IL10RB: variants seen among roughly 807,000 people sequenced by gnomAD.
IL10RB encodes interleukin 10 receptor subunit beta.
In IL10RB, 30 loss-of-function variants were observed where a neutral mutation model predicts 38.7. The observed-to-expected ratio is 0.78, with a 90% CI of 0.58 to 1.05. The LOEUF (loss-of-function observed/expected upper bound fraction) is 1.05, where lower values mean the gene tolerates loss of function less well. Among genes scored for constraint, IL10RB ranks in the 50% least tolerant of loss-of-function variants. The pLI is 0.00. For synonymous variants in IL10RB, 142 were observed against 145.9 expected (o/e 0.97, Z 0.19); for missense variants, 328 against 397.1 (o/e 0.83, Z 1.48).
At chr21:33,271,104 C>G (rs1568903321) in intron 2 of IL10RB, among the ~76,000 whole-genome samples, 1 of 152,198 alleles carries the variant, frequency 6.6e-6, no homozygotes, top group Non-Finnish European at 1.5e-5. Flanking sequence ...AGGTCTCCCC[C>G]GCGTGGAACT....
exon 2 of IL10RB, chr21:33,309,913 C>A (rs1212208193): frequency 6.6e-6 from 1 of 152,118 alleles, no homozygotes; most frequent in African/African-American, 2.4e-5. Flanking sequence ...CCCTAATCCC[C>A]AATGTGACTG....
intron 4 of IL10RB, among the ~76,000 whole-genome samples, chr21:33,281,900 T>C (rs1989286836): frequency 6.6e-6 from 1 of 152,136 alleles, no homozygotes; most frequent in Non-Finnish European, 1.5e-5. Flanking sequence ...AAACCAGAAG[T>C]TGCCCAGACG....
chr21:33,297,383 C>G (rs1251252681), downstream of IL10RB: 1 of 150,886 alleles, frequency 6.6e-6, no homozygotes, highest in Non-Finnish European at 1.5e-5. Context: ...AGCTCTCAGT[C>G]TAAAGCTTCA....
chr21:33,303,952 G>A (rs933558308), intron 1 of IL10RB, among the ~76,000 whole-genome samples: 1 of 152,326 alleles, frequency 6.6e-6, no homozygotes, highest in Admixed American at 6.5e-5. Context: ...AGGGAAGAGA[G>A]GGGCTTGGGA....
downstream of IL10RB, among the ~76,000 whole-genome samples, chr21:33,299,170 A>G (rs1423823888): frequency 6.6e-6 from 1 of 152,092 alleles, no homozygotes; most frequent in Non-Finnish European, 1.5e-5. Flanking sequence ...TCTTTCAACT[A>G]TTGAACTTCC....
At chr21:33,287,659 A>G (rs1221289021) in intron 5 of IL10RB, among the ~76,000 whole-genome samples, 3 of 151,908 alleles carry the variant, frequency 2.0e-5, no homozygotes, top group African/African-American at 7.3e-5. Context: ...GAGCCACCAC[A>G]CCTGGCTTAG....
At chr21:33,293,731 C>T (rs1293260602) in intron 6 of IL10RB, among the ~76,000 whole-genome samples, 1 of 151,904 alleles carries the variant, frequency 6.6e-6, no homozygotes, top group African/African-American at 2.4e-5. Flanking sequence ...CTCTTGAACC[C>T]GGGAGGCTGA....
Position 33,266,420 on chromosome 21 carries a change from G to A in IL10RB, c.-46G>A. 2.0e-6 allele frequency: 3 copies of A among 1,535,560 alleles called. No homozygotes were observed. The highest frequency in any genetic ancestry group is 1.2e-5 in the South Asian group (1 of 83,678). On this transcript the variant is annotated 5_prime_UTR_variant, in exon 1 of 7. Coordinates refer to ENST00000290200, the MANE Select transcript of IL10RB (RefSeq NM_000628.5). ...GGACAAGCTCTCCCGGGCGCGGGCG[G>A]GGGTCGTGTGCTTGGAGGAAGCCGC...
chr21:33,297,514 A>G (rs943451157), downstream of IL10RB, among the ~76,000 whole-genome samples: 2 of 152,180 alleles, frequency 1.3e-5, no homozygotes, highest in Non-Finnish European at 2.9e-5. Flanking sequence ...GATTAGACAC[A>G]GAACTGAGCA....
At chr21:33,280,364 T>C (rs1004229469) in intron 4 of IL10RB, among the ~76,000 whole-genome samples, 6 of 152,184 alleles carry the variant, frequency 3.9e-5, no homozygotes. Context: ...AGTCAAAAGA[T>C]CTGATCGGAA....
intron 6 of IL10RB, among the ~76,000 whole-genome samples, chr21:33,294,861 C>G (rs1989560177): frequency 6.6e-6 from 1 of 152,188 alleles, no homozygotes; most frequent in Non-Finnish European, 1.5e-5. Context: ...GCAGAGATTT[C>G]AGGAAATGTA....
chr21:33,287,189 C>T (rs998418553), intron 5 of IL10RB, among the ~76,000 whole-genome samples: 5 of 152,254 alleles, frequency 3.3e-5, no homozygotes, highest in African/African-American at 4.8e-5. Context: ...AAATGCTCTC[C>T]GAAAGAGAGG....
In IL10RB at chr21:33,268,437, T is replaced by G. The variant is rs760661835; in HGVS notation, c.93T>G (p.Ser31=). Reference sequence around the variant, plus strand: ...CTCCCGAAAATGTCAGAATGAATTCTGTTAATTTCAAGAACATTCTACAGT... The same window carrying G: ...CTCCCGAAAATGTCAGAATGAATTCGGTTAATTTCAAGAACATTCTACAGT... ...VPPPENVRMN[S]VNFKNILQWE... is the part of the protein sequence containing the mutation. The change falls in exon 2 of 7, where the codon TCT becomes TCG. Residue 31 remains serine, a synonymous_variant. Transcript: ENST00000290200. 1 of 1,614,162 alleles carries G rather than the reference T, an allele frequency of 6.2e-7. No individual in the cohort carries two copies. Among genetic ancestry groups the G allele is most frequent in the African/African-American group, 1.3e-5 (1 of 75,068 alleles).
downstream of IL10RB, among the ~76,000 whole-genome samples, chr21:33,297,927 T>A (rs1252878601): frequency 1.3e-5 from 2 of 152,182 alleles, no homozygotes; most frequent in African/African-American, 4.8e-5. Flanking sequence ...GAGATTTATT[T>A]GAAGGAACTG....
At chr21:33,288,381 GCACACA>G (rs59480844) in intron 6 of IL10RB, 120 bp downstream of exon 6, 81 of 548,392 alleles carry the variant, frequency 1.5e-4, no homozygotes, top group African/African-American at 1.2e-3. Context: ...ACGCGCGCGC[GCACACA>G]CACACACACA....
intron 4 of IL10RB, among the ~76,000 whole-genome samples, chr21:33,280,939 A>T (rs1309861265): frequency 6.6e-6 from 1 of 152,202 alleles, no homozygotes; most frequent in Non-Finnish European, 1.5e-5. Context: ...CTGCTGCCAC[A>T]ACAAAATACC....
At chr21:33,269,758 A>G (rs1311072052) in intron 2 of IL10RB, among the ~76,000 whole-genome samples, 2 of 149,128 alleles carry the variant, frequency 1.3e-5, no homozygotes, top group Non-Finnish European at 3.0e-5. Flanking sequence ...TCTCGGGTTC[A>G]CGCCATTCTC....
intron 2 of IL10RB, among the ~76,000 whole-genome samples, chr21:33,271,046 C>T (rs1436035856): frequency 1.3e-5 from 2 of 152,176 alleles, no homozygotes; most frequent in Non-Finnish European, 2.9e-5. Flanking sequence ...TTAGCGATCC[C>T]AATGACTTCA....
chr21:33,301,565 C>T (rs1471483634), downstream of IL10RB, among the ~76,000 whole-genome samples: 1 of 152,238 alleles, frequency 6.6e-6, no homozygotes, highest in Non-Finnish European at 1.5e-5. Flanking sequence ...AGTTCCCCTC[C>T]TCTTGGCCTC....
Sources: gnomAD v4.1 joint callset for allele counts (sites outside exome capture counted in the v4.1 genomes callset) on GRCh38, gnomAD v4.1.1 for gene constraint, MANE v1.5 for transcripts, NCBI Gene and HGNC (gene_info 2026-07-23, HGNC 2026-07-21) for gene names.